ANO2: variants seen among roughly 807,000 people sequenced by gnomAD.
ANO2 encodes anoctamin 2, also known as anoctamin-2.
In ANO2, 101 loss-of-function variants were observed where a neutral mutation model predicts 124.2. That is an observed-to-expected ratio of 0.81 (90% CI 0.69 to 0.96). The LOEUF (loss-of-function observed/expected upper bound fraction) is 0.96, where lower values mean the gene tolerates loss of function less well. ANO2 is among the 40% of genes least tolerant of loss of function. The pLI is 0.00. For synonymous variants in ANO2, 486 were observed against 482.5 expected, an observed-to-expected ratio of 1.01 and a Z score of -0.09; for missense variants, 1,293 against 1,274.5, an observed-to-expected ratio of 1.01 and a Z score of -0.22.
chr12:5,619,344 C>A (rs746618669), intron 16 of ANO2, among the ~76,000 whole-genome samples: 1 of 152,152 alleles, frequency 6.6e-6, no homozygotes, highest in African/African-American at 2.4e-5. Context: ...TAGGTAGACA[C>A]GTACAGATTT....
chr12:5,759,413 C>T (rs914725848), intron 10 of ANO2, among the ~76,000 whole-genome samples: 6 of 151,920 alleles, frequency 3.9e-5, no homozygotes, highest in Admixed American at 1.3e-4. Flanking sequence ...TAAAGTGACA[C>T]CTTAGAGCAG....
At chr12:5,661,943 T>C (rs536755794) in intron 14 of ANO2, among the ~76,000 whole-genome samples, 5 of 152,332 alleles carry the variant, frequency 3.3e-5, no homozygotes, top group African/African-American at 1.2e-4. Context: ...AATTCCCTCA[T>C]GCATGGTGTC....
chr12:5,805,937 T>C (rs1238801583), intron 9 of ANO2, 115 bp downstream of exon 9: 1 of 1,028,812 alleles, frequency 9.7e-7, no homozygotes, highest in East Asian at 2.7e-5. Context: ...CTGGTAAAAT[T>C]GTTGGAAAGT....
rs186027475 is a variant in ANO2, at chr12:5,640,701, C to T, written c.1621-5354G>A. 9.7e-3 allele frequency among the ~76,000 whole-genome samples: 1,476 copies of T among 152,110 alleles called. 10 individuals carry two copies. Among genetic ancestry groups the T allele is most frequent in the Non-Finnish European group, 0.014 (953 of 67,988 alleles). The stretch of plus-strand genomic sequence containing the variant: ...TACCATCCCACACCAGTTAGAATGG[C>T]AATCATTAAAAGTCAGGAAACAACA... On this transcript the variant is annotated intron_variant, in intron 15 of 24. Coordinates refer to ENST00000682330, the MANE Select transcript of ANO2 (RefSeq NM_001364791.2).
At chr12:5,741,617 A>C (rs4140865) in intron 12 of ANO2, among the ~76,000 whole-genome samples, 24,249 of 152,110 alleles carry the variant, frequency 0.16, 2,015 homozygotes, top group Middle Eastern at 0.23. Flanking sequence ...CAAAAGAGTC[A>C]TGGATAGATG....
chr12:5,610,442 C>T (rs1258451189), intron 19 of ANO2, among the ~76,000 whole-genome samples: 2 of 124,876 alleles, frequency 1.6e-5, no homozygotes, highest in Non-Finnish European at 3.2e-5. Context: ...TATATAAATG[C>T]ATATATTTAT....
intron 14 of ANO2, among the ~76,000 whole-genome samples, chr12:5,665,231 G>C (rs181253907): frequency 1.8e-3 from 272 of 152,232 alleles, no homozygotes; most frequent in South Asian, 4.2e-3. Context: ...TTAAGAGATG[G>C]CTGCTGCCCT....
intron 14 of ANO2, among the ~76,000 whole-genome samples, chr12:5,714,029 C>CT (rs2137043168): frequency 6.6e-6 from 1 of 152,322 alleles, no homozygotes; most frequent in East Asian, 1.9e-4. Context: ...GGCCCAAAGC[C>CT]TGTGACTCTG....
intron 1 of ANO2, among the ~76,000 whole-genome samples, chr12:5,930,328 C>T (rs1025266298): frequency 1.3e-5 from 2 of 152,148 alleles, no homozygotes; most frequent in South Asian, 4.1e-4. Flanking sequence ...ATATCATCCC[C>T]ACCCCAACCT....
rs146853269 is a variant in ANO2 at position 5,895,767 on chromosome 12, C to T, written c.534+25273G>A. 5.4e-3 allele frequency among the ~76,000 whole-genome samples: 825 copies of T among 151,844 alleles called. 6 individuals carry two copies. Among genetic ancestry groups the T allele is most frequent in the African/African-American group, 0.019 (801 of 41,384 alleles). On this transcript the variant is annotated intron_variant, in intron 3 of 24. Transcript: ENST00000682330. ...AAAGTAGAACTACCATTTGATCCAG[C>T]AATCCCACTTCTGGGTAGCTACCCA...
rs768895523 is a variant in ANO2 at position 5,563,479 on chromosome 12, G to A, written c.2817C>T (p.Ser939=). Reference sequence around the variant, plus strand: ...CTTTCAGGAAGAAATCCACTAATAAGCTCTTCTCTTTCTTGATCTGGTCGC... The same window carrying A: ...CTTTCAGGAAGAAATCCACTAATAAACTCTTCTCTTTCTTGATCTGGTCGC... ...DISDQIKKEK[S]LLVDFFLKEE... is the part of the protein sequence containing the mutation. The change falls in exon 25 of 25, where the codon AGC becomes AGT. Residue 939 remains serine (S), a synonymous_variant. Transcript: ENST00000682330. 5.6e-6 allele frequency: 9 copies of A among 1,613,934 alleles called. No individual in the cohort carries two copies. Among genetic ancestry groups the A allele is most frequent in the Non-Finnish European group, 6.8e-6 (8 of 1,179,898 alleles).
chr12:5,818,322 T>TG (rs1953673791), intron 7 of ANO2, among the ~76,000 whole-genome samples: 1 of 151,746 alleles, frequency 6.6e-6, no homozygotes, highest in East Asian at 1.9e-4. Flanking sequence ...TCTCCTGCGC[T>TG]GGACCCTTCC....
At chr12:5,945,737 C>G (rs1943075133), upstream of ANO2, among the ~76,000 whole-genome samples, 1 of 152,232 alleles carries the variant, frequency 6.6e-6, no homozygotes, top group South Asian at 2.1e-4. Context: ...ACACCTGTCT[C>G]CATACTAGGT....
At chr12:5,578,994 T>C (rs911675420) in intron 20 of ANO2, among the ~76,000 whole-genome samples, 2 of 152,222 alleles carry the variant, frequency 1.3e-5, no homozygotes, top group Non-Finnish European at 2.9e-5. Context: ...TAAAACTTTA[T>C]TTACAAAAGC....
chr12:5,633,528 G>GA (rs1025034597), intron 16 of ANO2, among the ~76,000 whole-genome samples: 3 of 151,432 alleles, frequency 2.0e-5, no homozygotes, highest in African/African-American at 7.3e-5. Flanking sequence ...CATTGTCTAT[G>GA]AAAAAAATCG....
intron 15 of ANO2, among the ~76,000 whole-genome samples, chr12:5,643,636 A>G (rs1050108596): frequency 2.0e-5 from 3 of 152,180 alleles, no homozygotes; most frequent in African/African-American, 7.2e-5. Flanking sequence ...AACTATATCC[A>G]AAGTGTTTTT....
intron 19 of ANO2, among the ~76,000 whole-genome samples, chr12:5,600,095 G>A (rs1943862797): frequency 6.6e-6 from 1 of 152,098 alleles, no homozygotes; most frequent in South Asian, 2.1e-4. Context: ...CCACTACTAT[G>A]GACTGAATGA....
At chr12:5,909,043 G>A (rs1940877357) in intron 3 of ANO2, among the ~76,000 whole-genome samples, 1 of 152,176 alleles carries the variant, frequency 6.6e-6, no homozygotes, top group Non-Finnish European at 1.5e-5. Flanking sequence ...GGAGACTGGT[G>A]GGAGCTAGGA....
chr12:5,804,501 G>A (rs558076513), intron 9 of ANO2, among the ~76,000 whole-genome samples: 3 of 152,270 alleles, frequency 2.0e-5, no homozygotes, highest in Admixed American at 6.5e-5. Context: ...TCACCTTCAC[G>A]AAGCATCTTT....
Sources: allele counts gnomAD v4.1 joint callset (sites outside exome capture counted in the v4.1 genomes callset), GRCh38; gene constraint gnomAD v4.1.1; transcripts MANE v1.5; gene names NCBI Gene and HGNC (gene_info 2026-07-23, HGNC 2026-07-21).